The following EPM2A variants were observed in gnomAD, a reference collection of about 807,000 sequenced individuals.
The protein encoded by EPM2A is laforin.
Under a neutral mutation model 26.5 loss-of-function variants are expected in EPM2A, and 21 were observed. That is an observed-to-expected ratio of 0.79 (90% CI 0.56 to 1.14). The LOEUF is 1.14. Ranked by LOEUF, EPM2A falls within the 50% of genes most tolerant of loss-of-function variation. EPM2A has a pLI of 0.00. For synonymous variants in EPM2A, 217 were observed against 177.6 expected, an observed-to-expected ratio of 1.22 and a Z score of -1.76; for missense variants, 458 against 440.8, an observed-to-expected ratio of 1.04 and a Z score of -0.35.
intron 2 of EPM2A, among the ~76,000 whole-genome samples, chr6:145,585,497 G>A (rs9497355): frequency 0.037 from 5,598 of 151,950 alleles, 134 homozygotes; most frequent in African/African-American, 0.075. Flanking sequence ...CTGCAATGTC[G>A]AATACCATTC....
intron 2 of EPM2A, among the ~76,000 whole-genome samples, chr6:145,643,486 T>C (rs992816336): frequency 2.6e-5 from 4 of 152,232 alleles, no homozygotes. Flanking sequence ...TAAATTTAAC[T>C]GATAATTTAT....
intron 4 of EPM2A, among the ~76,000 whole-genome samples, chr6:145,439,911 G>A (rs79973061): frequency 0.077 from 11,741 of 152,136 alleles, 501 homozygotes; most frequent in African/African-American, 0.11. Context: ...GTCCAAAATT[G>A]TATGTCCTAC....
At chr6:145,645,841 G>A (rs543441734) in intron 2 of EPM2A, among the ~76,000 whole-genome samples, 7 of 152,124 alleles carry the variant, frequency 4.6e-5, no homozygotes, top group East Asian at 1.9e-4. Flanking sequence ...CGATCCACCC[G>A]CCTCGGCCTC....
chr6:145,390,864 C>T (rs780716533), intron 4 of EPM2A, among the ~76,000 whole-genome samples: 5 of 152,120 alleles, frequency 3.3e-5, no homozygotes, highest in Non-Finnish European at 7.4e-5. Context: ...AAACTTTTCA[C>T]CTTCTTTCCA....
chr6:145,547,473 G>A (rs920095691), intron 2 of EPM2A, among the ~76,000 whole-genome samples: 1 of 152,070 alleles, frequency 6.6e-6, no homozygotes, highest in Admixed American at 6.6e-5. Flanking sequence ...CACACAATAT[G>A]TGCATCATAA....
chr6:145,673,656 C>T (rs1387293213), intron 2 of EPM2A, among the ~76,000 whole-genome samples: 11 of 152,246 alleles, frequency 7.2e-5, no homozygotes, highest in South Asian at 4.2e-4. Flanking sequence ...CCCATGCCCA[C>T]GGAGCCTTGT....
chr6:145,709,213 G>A (rs1238819973), intron 1 of EPM2A, among the ~76,000 whole-genome samples: 2 of 152,174 alleles, frequency 1.3e-5, no homozygotes, highest in Non-Finnish European at 2.9e-5. Flanking sequence ...GACTTTGGGG[G>A]ACTGTTGGGA....
intron 2 of EPM2A, among the ~76,000 whole-genome samples, chr6:145,644,762 G>C (rs554288995): frequency 6.6e-6 from 1 of 152,180 alleles, no homozygotes; most frequent in South Asian, 2.1e-4. Flanking sequence ...AGAGTACAAA[G>C]AGTATACTTC....
At chr6:145,532,737 C>A (rs1446730083) in intron 2 of EPM2A, among the ~76,000 whole-genome samples, 1 of 152,112 alleles carries the variant, frequency 6.6e-6, no homozygotes, top group East Asian at 1.9e-4. Context: ...GGACAGACCC[C>A]CGTACTCCAC....
chr6:145,612,885 G>A (rs1775423030), intron 2 of EPM2A, among the ~76,000 whole-genome samples: 1 of 151,968 alleles, frequency 6.6e-6, no homozygotes, highest in Non-Finnish European at 1.5e-5. Context: ...GGCACTGACT[G>A]ATCAGGGTGG....
At chr6:145,587,390 T>C (rs377499549) in intron 2 of EPM2A, among the ~76,000 whole-genome samples, 2 of 152,226 alleles carry the variant, frequency 1.3e-5, no homozygotes, top group Admixed American at 6.5e-5. Context: ...TTATTCCTCA[T>C]GCAGGAAGAG....
intron 2 of EPM2A, among the ~76,000 whole-genome samples, chr6:145,524,881 C>T (rs384519): frequency 6.6e-6 from 1 of 151,890 alleles, no homozygotes; most frequent in Non-Finnish European, 1.5e-5. Context: ...AGCTTTTCTT[C>T]TAAGATTCTT....
downstream of EPM2A, among the ~76,000 whole-genome samples, chr6:145,621,470 G>A (rs1775631798): frequency 6.6e-6 from 1 of 152,164 alleles, no homozygotes; most frequent in Non-Finnish European, 1.5e-5. Context: ...TGAGACTGCT[G>A]AATTAAATGG....
chr6:145,671,384 C>A lies in EPM2A; in HGVS notation c.476+14738G>T, dbSNP rs1049501201. 3 of 993,026 alleles carry A rather than the reference C, an allele frequency of 3.0e-6. No individual in the cohort carries two copies. The South Asian group carries it at 1.4e-4, about 45-fold the overall frequency. The allele number at this position is 993,026 out of a possible 1,614,324, so 61.5% of individuals were successfully genotyped here. Reference sequence around the variant, plus strand: ...TCTTGAGGCACAACTGGAATTCAGGCCTTTGGTCCCTGGATCTGAAAGCAG... The same window carrying A: ...TCTTGAGGCACAACTGGAATTCAGGACTTTGGTCCCTGGATCTGAAAGCAG... On this transcript the variant is annotated intron_variant, in intron 2 of 3. Transcript: ENST00000367519.
Position 145,690,238 on chromosome 6 carries a change from C to T in EPM2A, c.302-3942G>A, listed in dbSNP as rs150909981. 4.1e-4 allele frequency among the ~76,000 whole-genome samples: 63 copies of T among 152,168 alleles called. 1 individual carries two copies. Among genetic ancestry groups the T allele is most frequent in the East Asian group, 1.9e-4 (1 of 5,146 alleles). On this transcript the variant is annotated intron_variant, in intron 1 of 3. Coordinates refer to ENST00000367519, the MANE Select transcript of EPM2A (RefSeq NM_005670.4). ...ATAAGAGCTAACCTCAGGCCGGGCA[C>T]GGTGGCTCACGCCTGTAATCCCAGC... is the stretch of plus-strand genomic sequence containing the variant.
chr6:145,602,665 A>C (rs1388079383), intron 2 of EPM2A, among the ~76,000 whole-genome samples: 1 of 152,214 alleles, frequency 6.6e-6, no homozygotes, highest in Non-Finnish European at 1.5e-5. Context: ...GAGTGCCTCA[A>C]AACTACACAA....
chr6:145,488,495 TTGTG>T (rs146792300), intron 4 of EPM2A, among the ~76,000 whole-genome samples: 170 of 132,018 alleles, frequency 1.3e-3, no homozygotes, highest in African/African-American at 3.4e-3. Context: ...ATTTGTGTGG[TTGTG>T]TGTGTGTGTG....
intron 2 of EPM2A, among the ~76,000 whole-genome samples, chr6:145,681,001 CCCA>C (rs532480233): frequency 8.7e-4 from 132 of 152,022 alleles, no homozygotes; most frequent in Non-Finnish European, 1.5e-3. Context: ...AGTTTACAGT[CCCA>C]CCAACAGTGT....
chr6:145,639,864 T>A (rs1776961796), intron 2 of EPM2A: 1 of 152,152 alleles, frequency 6.6e-6, no homozygotes, highest in Non-Finnish European at 1.5e-5. Flanking sequence ...AGAAAAAAAA[T>A]TATTAACTAG....
Sources: allele counts gnomAD v4.1 joint callset (sites outside exome capture counted in the v4.1 genomes callset), GRCh38; gene constraint gnomAD v4.1.1; transcripts MANE v1.5; gene names NCBI Gene and HGNC (gene_info 2026-07-23, HGNC 2026-07-21).